Variants in RAD23B observed in about 807,000 individuals in gnomAD.
RAD23B encodes the protein RAD23 nucleotide excision repair protein B, also known as lysine-specific demethylase RAD23B.
RAD23B carries 5 observed loss-of-function variants against 49.1 expected under a neutral mutation model. That is an observed-to-expected ratio of 0.10 (90% CI 0.05 to 0.21). The LOEUF is 0.21. Ranked by LOEUF, RAD23B falls within the 10% of genes least tolerant of loss-of-function variation. RAD23B has a pLI of 1.00. For missense variants in RAD23B, 356 were observed against 486.7 expected (o/e 0.73, Z 2.53); for synonymous variants, 184 against 165.4 (o/e 1.11, Z -0.86).
At chr9:107,311,882 T>A in intron 5 of RAD23B, 145 bp downstream of exon 5, 1 of 643,098 alleles carries the variant, frequency 1.6e-6, no homozygotes, top group Non-Finnish European at 2.6e-6. Flanking sequence ...ATTATTCAAT[T>A]AATAGTGTTA....
chr9:107,297,576 T>TG (rs1351675717), intron 1 of RAD23B, among the ~76,000 whole-genome samples: 1 of 152,166 alleles, frequency 6.6e-6, no homozygotes, highest in East Asian at 1.9e-4. Context: ...CAACCTTAGG[T>TG]GATCCGTCTG....
chr9:107,293,546 C>T (rs993832190), intron 1 of RAD23B, among the ~76,000 whole-genome samples: 1 of 152,048 alleles, frequency 6.6e-6, no homozygotes, highest in South Asian at 2.1e-4. Context: ...ATAGTTACAA[C>T]AGTAATAAGG....
Position 107,330,808 on chromosome 9 carries a change from G to A in RAD23B, c.*1152G>A, listed in dbSNP as rs1827292053. On this transcript the variant is annotated 3_prime_UTR_variant, in exon 10 of 10. Transcript: ENST00000358015. The surrounding 1 kb of genome is among the most constrained non-coding windows in gnomAD (Gnocchi z 4.4). ...GAAAGACTGGCAAAGTCTTTTGGAT[G>A]GGTTGGGAGATGTGGCTGGAAAGTA... 6.6e-6 allele frequency: 1 copy of A among 152,616 alleles called. No homozygotes were observed. The highest frequency in any genetic ancestry group is 2.4e-5 in the African/African-American group (1 of 41,444). 9.5% of individuals were successfully genotyped at this position (152,616 alleles called of 1,614,324 possible).
Position 107,283,778 on chromosome 9 carries a change from C to T in RAD23B, c.66+83C>T, listed in dbSNP as rs185180585. 298 of 1,236,162 alleles carry T rather than the reference C, an allele frequency of 2.4e-4. 1 individual carries two copies. The African/African-American group carries it at 3.0e-3, about 12-fold the overall frequency. 76.6% of individuals were successfully genotyped at this position (1,236,162 alleles called of 1,614,324 possible). On this transcript the variant is annotated intron_variant, in intron 1 of 9. Transcript: ENST00000358015. ...AGCTCGTGGGGCCGGGCGGCGCGCT[C>T]CAGCGGGGGAAGCCCCGGAGGGCGC...
At position 107,325,313 on chromosome 9, in the gene RAD23B, CAAAAAAAAAAAAAAA is replaced by C. The variant is rs34042765; in HGVS notation, c.1116+323_1116+337del. 3.3e-4 allele frequency among the ~76,000 whole-genome samples: 20 copies of C among 61,386 alleles called. No homozygotes were observed. In the Admixed American group the frequency reaches 4.2e-3, roughly 13 times the overall value. The allele number at this position is 61,386 out of a possible 152,430, so 40.3% of individuals were successfully genotyped here. The stretch of plus-strand genomic sequence containing the variant: ...TGGGCAACAGAGTGAGACTCTGTCT[CAAAAAAAAAAAAAAA>C]AAAAAAAAAAAAATTCCTTAGTCAC... On this transcript the variant is annotated intron_variant, in intron 9 of 9. Transcript: ENST00000358015.
intron 7 of RAD23B, among the ~76,000 whole-genome samples, chr9:107,323,296 G>A (rs1827144387): frequency 6.6e-6 from 1 of 152,152 alleles, no homozygotes. Context: ...CCGAGTTTTT[G>A]TAGTTCACAA....
intron 2 of RAD23B, 76 bp from the exon 3 acceptor site, chr9:107,301,959 A>C (rs752041635): frequency 1.4e-5 from 22 of 1,538,656 alleles, no homozygotes; most frequent in Non-Finnish European, 1.9e-5. Flanking sequence ...TCATATTTCG[A>C]GTAGAAAGTT....
intron 5 of RAD23B, among the ~76,000 whole-genome samples, chr9:107,312,340 C>A (rs908236138): frequency 6.6e-6 from 1 of 152,106 alleles, no homozygotes; most frequent in Non-Finnish European, 1.5e-5. Flanking sequence ...AACTCCATTC[C>A]TAGTTTGTTA....
At chr9:107,289,782 G>A (rs913296611) in intron 1 of RAD23B, among the ~76,000 whole-genome samples, 7 of 152,174 alleles carry the variant, frequency 4.6e-5, no homozygotes, top group African/African-American at 1.7e-4. Context: ...ATTGGTATAT[G>A]GGTTTTGAAA....
At chr9:107,295,194 ATAAG>A (rs1826480775) in intron 1 of RAD23B, among the ~76,000 whole-genome samples, 2 of 152,118 alleles carry the variant, frequency 1.3e-5, no homozygotes, top group Admixed American at 6.6e-5. Context: ...GGGATTATGA[ATAAG>A]TGAGGACAGT....
At chr9:107,294,877 C>T (rs747752451) in intron 1 of RAD23B, among the ~76,000 whole-genome samples, 4 of 151,986 alleles carry the variant, frequency 2.6e-5, no homozygotes, top group African/African-American at 4.8e-5. Flanking sequence ...AGGAGGATTT[C>T]GTGAAGCAGT....
intron 1 of RAD23B, among the ~76,000 whole-genome samples, chr9:107,297,884 C>T (rs1292493465): frequency 6.6e-6 from 1 of 152,042 alleles, no homozygotes; most frequent in Non-Finnish European, 1.5e-5. Flanking sequence ...GATATTCCTG[C>T]ATGTTTATTT....
chr9:107,312,273 T>C (rs961975332), intron 5 of RAD23B, among the ~76,000 whole-genome samples: 3 of 152,228 alleles, frequency 2.0e-5, no homozygotes, highest in African/African-American at 7.2e-5. Flanking sequence ...GCATTTTTTT[T>C]CTCCCATTGT....
Position 107,330,036 on chromosome 9 carries a change from T to C in RAD23B, c.*380T>C, listed in dbSNP as rs1382847632. 2 of 153,838 alleles carry C rather than the reference T, an allele frequency of 1.3e-5. No individual in the cohort carries two copies. Among genetic ancestry groups the C allele is most frequent in the East Asian group, 3.8e-4 (2 of 5,236 alleles). 9.5% of individuals were successfully genotyped at this position (153,838 alleles called of 1,614,324 possible). ...TTAACATTGGTTTCAGAAAGAATCTTAGCTACCTAGAATTTACAGTCTCTG... is the reference window on the plus strand; with the variant it reads ...TTAACATTGGTTTCAGAAAGAATCTCAGCTACCTAGAATTTACAGTCTCTG... On this transcript the variant is annotated 3_prime_UTR_variant, in exon 10 of 10. Transcript: ENST00000358015. This position sits in a 1 kb window ranked among gnomAD's most constrained non-coding sequence, Gnocchi z 4.4.
chr9:107,288,888 A>G (rs1833327101), intron 1 of RAD23B, among the ~76,000 whole-genome samples: 1 of 152,144 alleles, frequency 6.6e-6, no homozygotes, highest in African/African-American at 2.4e-5. Flanking sequence ...GGTAAGAGAT[A>G]AGGGTGAGTT....
chr9:107,324,032 T>G lies in RAD23B; in HGVS notation c.945+15T>G. The G allele has an allele frequency of 6.2e-7, 1 of 1,612,000 alleles. No homozygotes were observed. Among genetic ancestry groups the G allele is most frequent in the Non-Finnish European group, 8.5e-7 (1 of 1,178,334 alleles). On this transcript the variant is annotated intron_variant, in intron 8 of 9. Transcript: ENST00000358015. ...AATTACTTCAGGTGACTAATCAGTG[T>G]CAGTTTCACAAGTGATTTAGAGTGT...
chr9:107,303,083 T>C (rs562758724), intron 3 of RAD23B, among the ~76,000 whole-genome samples: 1 of 152,322 alleles, frequency 6.6e-6, no homozygotes, highest in East Asian at 1.9e-4. Flanking sequence ...ATTTATATAC[T>C]TGTTTATTTA....
chr9:107,291,342 A>G (rs1240792647), intron 1 of RAD23B, among the ~76,000 whole-genome samples: 1 of 152,152 alleles, frequency 6.6e-6, no homozygotes, highest in African/African-American at 2.4e-5. Flanking sequence ...TTAGGAATAT[A>G]TTTTATAATA....
At chr9:107,300,012 A>T (rs552718694) in intron 1 of RAD23B, 129 bp from the exon 2 acceptor site, 5 of 1,195,796 alleles carry the variant, frequency 4.2e-6, no homozygotes, top group Non-Finnish European at 5.6e-6. Context: ...TTGGAAAAAC[A>T]TAATATTTGA....
Sources: allele counts gnomAD v4.1 joint callset (sites outside exome capture counted in the v4.1 genomes callset), GRCh38; gene constraint gnomAD v4.1.1; non-coding constraint Gnocchi (gnomAD v3.1); transcripts MANE v1.5; gene names NCBI Gene and HGNC (gene_info 2026-07-23, HGNC 2026-07-21).